The following TIMP2 variants were observed in gnomAD, a reference collection of about 807,000 sequenced individuals.
TIMP2 encodes TIMP metallopeptidase inhibitor 2, also known as metalloproteinase inhibitor 2.
A neutral mutation model predicts 24.3 loss-of-function variants in TIMP2; 5 were observed. The observed-to-expected ratio is 0.21, with a 90% CI of 0.11 to 0.43. The LOEUF is 0.43. Among genes scored for constraint, TIMP2 ranks in the 20% least tolerant of loss-of-function variants. TIMP2 has a pLI of 1.00. For synonymous variants in TIMP2, 130 were observed against 123.2 expected, an observed-to-expected ratio of 1.06 and a Z score of -0.37; for missense variants, 221 against 297.5, an observed-to-expected ratio of 0.74 and a Z score of 1.89.
intron 1 of TIMP2, among the ~76,000 whole-genome samples, chr17:78,883,567 ACACCGCCTGCCAGCGG>A (rs1327501944): frequency 6.6e-6 from 1 of 152,204 alleles, no homozygotes; most frequent in African/African-American, 2.4e-5. Context: ...AGCCGGGGCC[ACACCGCCTGCCAGCGG>A]GCACCTGGGG....
rs2070010115 is a variant in TIMP2 at position 78,896,877 on chromosome 17, G to C, written c.131-22958C>G. On this transcript the variant is annotated intron_variant, in intron 1 of 4. Coordinates refer to ENST00000262768, the MANE Select transcript of TIMP2 (RefSeq NM_003255.5). The surrounding 1 kb of genome is among the most constrained non-coding windows in gnomAD (Gnocchi z 4.4). Reference sequence around the variant, plus strand: ...GCCCATGGCAGCTCCACCCCAGACCGATCCGATCCCAGCACCTGGGCCCAG... The same window carrying C: ...GCCCATGGCAGCTCCACCCCAGACCCATCCGATCCCAGCACCTGGGCCCAG... 1.0e-6 allele frequency: 1 copy of C among 975,706 alleles called. No individual in the cohort carries two copies. The highest frequency in any genetic ancestry group is 1.2e-6 in the Non-Finnish European group (1 of 821,326). The allele number at this position is 975,706 out of a possible 1,614,324, so 60.4% of individuals were successfully genotyped here.
intron 4 of TIMP2, chr17:78,857,169 G>A (rs1431812360): frequency 8.5e-6 from 2 of 234,290 alleles, no homozygotes; most frequent in Non-Finnish European, 1.7e-5. Context: ...TTGTATTTTT[G>A]TAGAGACAGG....
intron 1 of TIMP2, among the ~76,000 whole-genome samples, chr17:78,907,527 CAACAGT>C (rs935478781): frequency 6.6e-6 from 1 of 152,244 alleles, no homozygotes. Context: ...AAAACAATTA[CAACAGT>C]AACGCCAAAG....
chr17:78,914,274 T>C (rs200986307), intron 1 of TIMP2, among the ~76,000 whole-genome samples: 4 of 136,452 alleles, frequency 2.9e-5, no homozygotes, highest in Admixed American at 7.1e-5. Context: ...TATTTATTTA[T>C]TTATTTATTT....
intron 3 of TIMP2, among the ~76,000 whole-genome samples, chr17:78,861,182 G>T (rs1184570530): frequency 1.3e-5 from 2 of 152,080 alleles, no homozygotes; most frequent in African/African-American, 2.4e-5. Context: ...CTGGCATTTG[G>T]CGCCCATACA....
chr17:78,894,320 C>G (rs911550659), intron 1 of TIMP2, among the ~76,000 whole-genome samples: 1 of 151,992 alleles, frequency 6.6e-6, no homozygotes, highest in Non-Finnish European at 1.5e-5. Context: ...CACCTTTGAC[C>G]AACCTCAGGT....
At chr17:78,895,843 C>T (rs1000659959) in intron 1 of TIMP2, among the ~76,000 whole-genome samples, 5 of 152,182 alleles carry the variant, frequency 3.3e-5, no homozygotes, top group African/African-American at 1.2e-4. Flanking sequence ...CCAAGGTTCA[C>T]AGTCTATTTC....
Position 78,896,650 on chromosome 17 carries a change from C to T in TIMP2, c.131-22731G>A, listed in dbSNP as rs1185907803. ...CTGCCACCCCGAGCTGACAAGCCTG[C>T]CTTCTGCTGGCTGCCTTCAACCACT... On this transcript the variant is annotated intron_variant, in intron 1 of 4. Coordinates refer to ENST00000262768, the MANE Select transcript of TIMP2 (RefSeq NM_003255.5). This position sits in a 1 kb window ranked among gnomAD's most constrained non-coding sequence, Gnocchi z 4.4. Among the ~76,000 whole-genome samples the T allele has an allele frequency of 6.6e-6, 1 of 152,168 alleles. No individual in the cohort carries two copies.
intron 1 of TIMP2, among the ~76,000 whole-genome samples, chr17:78,918,402 G>A (rs560012156): frequency 5.5e-4 from 83 of 152,244 alleles, no homozygotes; most frequent in African/African-American, 1.9e-3. Context: ...GCAAATGCAC[G>A]AGGGCACCAG....
chr17:78,891,576 G>A lies in TIMP2; in HGVS notation c.131-17657C>T, dbSNP rs117232607. The stretch of plus-strand genomic sequence containing the variant: ...CAGCTGGAATCAGCTGGCCACAGCT[G>A]CCCGAGGTCTCTCAGCTTCCCCTCC... On this transcript the variant is annotated intron_variant, in intron 1 of 4. Transcript: ENST00000262768. This position sits in a 1 kb window ranked among gnomAD's most constrained non-coding sequence, Gnocchi z 4.5. 2,455 of 1,550,864 alleles carry A rather than the reference G, an allele frequency of 1.6e-3. 59 individuals are homozygous for A. In the East Asian group the frequency reaches 0.047, roughly 30 times the overall value.
At chr17:78,875,210 C>T (rs968049535) in intron 1 of TIMP2, among the ~76,000 whole-genome samples, 3 of 152,114 alleles carry the variant, frequency 2.0e-5, no homozygotes, top group Admixed American at 6.5e-5. Context: ...CAGAGTCTAT[C>T]AGGGGCACAA....
intron 1 of TIMP2, among the ~76,000 whole-genome samples, chr17:78,877,534 GT>G (rs2069738183): frequency 6.9e-6 from 1 of 145,610 alleles, no homozygotes; most frequent in Admixed American, 7.1e-5. Context: ...GGGCAACAGA[GT>G]GAGACTCCGT....
chr17:78,895,976 C>T (rs1300893957), intron 1 of TIMP2, among the ~76,000 whole-genome samples: 2 of 152,368 alleles, frequency 1.3e-5, no homozygotes, highest in East Asian at 3.9e-4. Context: ...CCGTGCCAGC[C>T]CCACTGGCGT....
chr17:78,868,883 C>A (rs2069642572), intron 3 of TIMP2, among the ~76,000 whole-genome samples: 1 of 152,106 alleles, frequency 6.6e-6, no homozygotes, highest in Non-Finnish European at 1.5e-5. Context: ...CCCCTGGGCA[C>A]ATGTGGCAAT....
chr17:78,891,111 A>G lies in TIMP2; in HGVS notation c.131-17192T>C. 1.9e-6 allele frequency: 3 copies of G among 1,550,820 alleles called. No homozygotes were observed. Among genetic ancestry groups the G allele is most frequent in the Middle Eastern group, 1.7e-4 (1 of 5,992 alleles). ...TCTTGTCCAGATTCAGTGCTATACA[A>G]TAATGAGTCCTCTTTGTTGATAAAT... On this transcript the variant is annotated intron_variant, in intron 1 of 4. Coordinates refer to ENST00000262768, the MANE Select transcript of TIMP2 (RefSeq NM_003255.5). The surrounding 1 kb of genome is among the most constrained non-coding windows in gnomAD (Gnocchi z 4.5).
chr17:78,886,783 G>A (rs1346163022), intron 1 of TIMP2, among the ~76,000 whole-genome samples: 5 of 152,062 alleles, frequency 3.3e-5, no homozygotes, highest in East Asian at 1.9e-4. Context: ...GGAGTGCAGC[G>A]GCGCAATCAC....
chr17:78,887,073 T>C (rs1182202902), intron 1 of TIMP2, among the ~76,000 whole-genome samples: 1 of 152,176 alleles, frequency 6.6e-6, no homozygotes, highest in Non-Finnish European at 1.5e-5. Flanking sequence ...AACAGAGACC[T>C]AAGCTACTAA....
intron 1 of TIMP2, among the ~76,000 whole-genome samples, chr17:78,919,661 C>T (rs571364593): frequency 2.0e-5 from 3 of 152,190 alleles, no homozygotes; most frequent in Admixed American, 6.5e-5. Flanking sequence ...GGTGAAACCC[C>T]GTCTCTAATA....
intron 1 of TIMP2, among the ~76,000 whole-genome samples, chr17:78,893,795 G>A (rs947409392): frequency 2.0e-5 from 3 of 152,180 alleles, no homozygotes. Flanking sequence ...GACTCTTCCA[G>A]GTCTCTTTGG....
Sources: allele counts gnomAD v4.1 joint callset (sites outside exome capture counted in the v4.1 genomes callset), GRCh38; gene constraint gnomAD v4.1.1; non-coding constraint Gnocchi (gnomAD v3.1); transcripts MANE v1.5; gene names NCBI Gene and HGNC (gene_info 2026-07-23, HGNC 2026-07-21).